The following SEMA5A variants were observed in gnomAD, a reference collection of about 807,000 sequenced individuals.
The protein encoded by SEMA5A is semaphorin 5A.
Under a neutral mutation model 135.5 loss-of-function variants are expected in SEMA5A, and 55 were observed. That is an observed-to-expected ratio of 0.41 (90% CI 0.33 to 0.51). The LOEUF (loss-of-function observed/expected upper bound fraction) is 0.51. SEMA5A is among the 20% of genes least tolerant of loss of function. SEMA5A has a pLI of 0.37. For synonymous variants in SEMA5A, 580 were observed against 546.5 expected (o/e 1.06, Z -0.85); for missense variants, 1,290 against 1,419.9 (o/e 0.91, Z 1.47).
chr5:9,084,344 A>T lies in SEMA5A; in HGVS notation c.2074-17698T>A, dbSNP rs1738561296. Among the ~76,000 whole-genome samples the T allele has an allele frequency of 1.3e-5, 2 of 152,162 alleles. 1 individual carries two copies. The highest frequency in any genetic ancestry group is 2.9e-5 in the Non-Finnish European group (2 of 68,028). ...GCATGAGTGGGGCTCCTTGTTCTCC[A>T]GTGATGTTTCTGTTGGCTTCCCTCC... On this transcript the variant is annotated intron_variant, in intron 16 of 22. Transcript: ENST00000382496.
At chr5:9,340,754 C>T (rs1304000562) in intron 3 of SEMA5A, among the ~76,000 whole-genome samples, 1 of 152,160 alleles carries the variant, frequency 6.6e-6, no homozygotes, top group African/African-American at 2.4e-5. Context: ...CCTTCTCTTT[C>T]CTCCAGAAGG....
At chr5:9,440,265 T>G (rs1462272098) in intron 1 of SEMA5A, among the ~76,000 whole-genome samples, 1 of 152,222 alleles carries the variant, frequency 6.6e-6, no homozygotes, top group Non-Finnish European at 1.5e-5. Context: ...ATCACTGACA[T>G]ATTTTCTAGA....
intron 1 of SEMA5A, among the ~76,000 whole-genome samples, chr5:9,529,148 C>T (rs1227061359): frequency 6.6e-6 from 1 of 152,254 alleles, no homozygotes; most frequent in African/African-American, 2.4e-5. Context: ...CAGCTGTCAG[C>T]TCCATCAAGG....
chr5:9,212,708 T>C (rs1225588198), intron 8 of SEMA5A, among the ~76,000 whole-genome samples: 1 of 152,238 alleles, frequency 6.6e-6, no homozygotes, highest in African/African-American at 2.4e-5. Context: ...TTCTGCTATT[T>C]GTGAAGTGTG....
At chr5:9,193,335 A>G (rs943043680) in intron 10 of SEMA5A, among the ~76,000 whole-genome samples, 2 of 152,160 alleles carry the variant, frequency 1.3e-5, no homozygotes, top group Non-Finnish European at 2.9e-5. Context: ...AAAATAGTAA[A>G]AGCACAGCCA....
intron 12 of SEMA5A, 49 bp downstream of exon 12, chr5:9,154,439 G>A: frequency 6.3e-7 from 1 of 1,575,766 alleles, no homozygotes; most frequent in African/African-American, 1.3e-5. Context: ...CTCTCTGGGT[G>A]GGCCCTTCAC....
intron 1 of SEMA5A, among the ~76,000 whole-genome samples, chr5:9,487,439 C>G (rs761255291): frequency 6.6e-6 from 1 of 152,080 alleles, no homozygotes; most frequent in Non-Finnish European, 1.5e-5. Flanking sequence ...CCATGGGAAT[C>G]GGCTCCAGAG....
At chr5:9,405,623 T>C (rs921376431) in intron 2 of SEMA5A, among the ~76,000 whole-genome samples, 2 of 148,854 alleles carry the variant, frequency 1.3e-5, no homozygotes, top group Non-Finnish European at 3.0e-5. Context: ...ATAAGGATAC[T>C]CACAGCCCCC....
At position 9,054,118 on chromosome 5, in the gene SEMA5A, T is replaced by C; in HGVS notation, c.2658A>G (p.Glu886=). The C allele has an allele frequency of 1.2e-6, 2 of 1,613,582 alleles. No homozygotes were observed. The highest frequency in any genetic ancestry group is 2.2e-5 in the South Asian group (2 of 91,006). Residue 886 remains glutamate, a synonymous_variant, in exon 19 of 23, where the codon GAA becomes GAG. Transcript: ENST00000382496. ...AGGGCTGCGTGTTGCAGAGTGCCTC[T>C]TCTGTGTGCAGCCCCAGGCAGATGT... ...GGDICLGLHT[E]EALCNTQPCP...
chr5:9,437,101 A>G (rs1455530246), intron 2 of SEMA5A, among the ~76,000 whole-genome samples: 1 of 152,194 alleles, frequency 6.6e-6, no homozygotes, highest in African/African-American at 2.4e-5. Flanking sequence ...CAGGACAGGA[A>G]GTGAGATGAC....
chr5:9,541,876 C>T (rs1030102778), intron 1 of SEMA5A, among the ~76,000 whole-genome samples: 2 of 152,150 alleles, frequency 1.3e-5, no homozygotes, highest in Admixed American at 1.3e-4. Flanking sequence ...AGCTATACAA[C>T]CTTTTAGATG....
chr5:9,531,823 C>G (rs907784490), intron 1 of SEMA5A, among the ~76,000 whole-genome samples: 1 of 152,152 alleles, frequency 6.6e-6, no homozygotes, highest in Non-Finnish European at 1.5e-5. Context: ...GCTTCATAGA[C>G]CAAATACTAC....
At chr5:9,128,546 C>T (rs555836917) in intron 13 of SEMA5A, among the ~76,000 whole-genome samples, 133 of 152,272 alleles carry the variant, frequency 8.7e-4, no homozygotes, top group Non-Finnish European at 1.4e-3. Flanking sequence ...TGCCTGAATT[C>T]GGCAGCAGAA....
At chr5:9,297,725 T>TC (rs1195246568) in intron 5 of SEMA5A, among the ~76,000 whole-genome samples, 1 of 151,186 alleles carries the variant, frequency 6.6e-6, no homozygotes, top group Admixed American at 6.6e-5. Flanking sequence ...AAGCTATTTT[T>TC]TTTTTTTTGT....
At position 9,337,699 on chromosome 5, in the gene SEMA5A, A is replaced by C; in HGVS notation, c.224+14T>G. On this transcript the variant is annotated intron_variant, in intron 4 of 22. Coordinates refer to ENST00000382496, the MANE Select transcript of SEMA5A (RefSeq NM_003966.3). ...CCAAAAATATCTGTGGTGGCAAAATACAATATCTCTCACCTTGCTCCTACA... is the reference window on the plus strand; with the variant it reads ...CCAAAAATATCTGTGGTGGCAAAATCCAATATCTCTCACCTTGCTCCTACA... 6.3e-7 allele frequency: 1 copy of C among 1,584,400 alleles called. No homozygotes were observed. The highest frequency in any genetic ancestry group is 8.6e-7 in the Non-Finnish European group (1 of 1,156,372).
intron 1 of SEMA5A, among the ~76,000 whole-genome samples, chr5:9,477,216 A>G (rs77440749): frequency 1.6e-3 from 238 of 152,276 alleles, no homozygotes; most frequent in African/African-American, 5.3e-3. Flanking sequence ...GCCATGCAGA[A>G]CTGTGAGTAA....
chr5:9,203,763 T>A (rs1473188961), intron 8 of SEMA5A, among the ~76,000 whole-genome samples: 3 of 152,174 alleles, frequency 2.0e-5, no homozygotes, highest in Non-Finnish European at 4.4e-5. Flanking sequence ...TGATTTTAAT[T>A]TATAAACCGT....
At chr5:9,133,083 C>G (rs1028257509) in intron 13 of SEMA5A, among the ~76,000 whole-genome samples, 1 of 152,128 alleles carries the variant, frequency 6.6e-6, no homozygotes, top group Admixed American at 6.5e-5. Flanking sequence ...AGCAGTGGTA[C>G]ACATCACAAC....
intron 3 of SEMA5A, among the ~76,000 whole-genome samples, chr5:9,375,802 C>A (rs1755341025): frequency 6.6e-6 from 1 of 151,718 alleles, no homozygotes; most frequent in Non-Finnish European, 1.5e-5. Flanking sequence ...TGACGCTCTG[C>A]TGGACATAGC....
Sources: gnomAD v4.1 joint callset for allele counts (sites outside exome capture counted in the v4.1 genomes callset) on GRCh38, gnomAD v4.1.1 for gene constraint, MANE v1.5 for transcripts, NCBI Gene and HGNC (gene_info 2026-07-23, HGNC 2026-07-21) for gene names.